TRIM33: variants seen among roughly 807,000 people sequenced by gnomAD.
TRIM33 encodes E3 ubiquitin-protein ligase TRIM33.
Under a neutral mutation model 125.4 loss-of-function variants are expected in TRIM33, and 20 were observed. The observed-to-expected ratio is 0.16, with a 90% CI of 0.11 to 0.23. The LOEUF (loss-of-function observed/expected upper bound fraction) is 0.23, where lower values mean the gene tolerates loss of function less well. Ranked by LOEUF, TRIM33 falls within the 10% of genes least tolerant of loss-of-function variation. TRIM33 has a pLI of 1.00. For missense variants in TRIM33, 920 were observed against 1,411.4 expected (o/e 0.65, Z 5.58); for synonymous variants, 564 against 513.9 (o/e 1.10, Z -1.32).
At chr1:114,469,200 A>T (rs920966284) in intron 1 of TRIM33, 1 of 167,488 alleles carries the variant, frequency 6.0e-6, no homozygotes, top group African/African-American at 2.4e-5. Context: ...TGAGCAACTT[A>T]TTGTTGATAA....
At chr1:114,468,511 C>T (rs1037881897) in intron 1 of TRIM33, 1 of 392,660 alleles carries the variant, frequency 2.5e-6, no homozygotes, top group Non-Finnish European at 4.9e-6. Flanking sequence ...GAAAAAGGTG[C>T]TTCTGATGAT....
At chr1:114,420,357 CAGA>C in intron 11 of TRIM33, 1 of 1,312,722 alleles carries the variant, frequency 7.6e-7, no homozygotes, top group Non-Finnish European at 1.0e-6. Context: ...TTGGATCTAA[CAGA>C]AGAACAACAA....
intron 4 of TRIM33, among the ~76,000 whole-genome samples, chr1:114,456,515 C>G (rs1198084682): frequency 1.3e-5 from 2 of 152,020 alleles, no homozygotes; most frequent in Non-Finnish European, 2.9e-5. Context: ...CTCAACAGTA[C>G]AAAAAACATA....
intron 1 of TRIM33, among the ~76,000 whole-genome samples, chr1:114,488,777 CA>C (rs969753814): frequency 2.4e-4 from 37 of 151,422 alleles, no homozygotes; most frequent in Non-Finnish European, 1.2e-4. Context: ...AAACAAAAAC[CA>C]AAAAAAATTC....
chr1:114,476,324 C>T (rs781424731), intron 1 of TRIM33, among the ~76,000 whole-genome samples: 18 of 151,562 alleles, frequency 1.2e-4, no homozygotes, highest in Non-Finnish European at 2.2e-4. Flanking sequence ...CATCACTACA[C>T]ACAACCCAAA....
At chr1:114,432,307 A>C (rs1442785725) in intron 5 of TRIM33, among the ~76,000 whole-genome samples, 1 of 152,072 alleles carries the variant, frequency 6.6e-6, no homozygotes, top group South Asian at 2.1e-4. Context: ...AACTCACTAC[A>C]TTTCCTTTGA....
At chr1:114,410,159 A>T in intron 12 of TRIM33, 25 bp downstream of exon 12, 1 of 1,613,174 alleles carries the variant, frequency 6.2e-7, no homozygotes, top group Non-Finnish European at 8.5e-7. Context: ...GTGTTAAAAA[A>T]TAAGGTAATA....
rs779494080 is a variant in TRIM33 at position 114,436,077 on chromosome 1, A to G, written c.924-2344T>C. Among the ~76,000 whole-genome samples, 24 of 151,420 alleles carry G rather than the reference A, an allele frequency of 1.6e-4. 1 individual carries two copies. The highest frequency in any genetic ancestry group is 2.9e-5 in the Non-Finnish European group (2 of 67,870). ...ACATTTTTAAAGCTCAACTGTCTAC[A>G]ATGTTGAGCAACATTATAACTTGTA... On this transcript the variant is annotated intron_variant, in intron 4 of 19. Coordinates refer to ENST00000358465, the MANE Select transcript of TRIM33 (RefSeq NM_015906.4).
At position 114,424,709 on chromosome 1, in the gene TRIM33, T is replaced by C; in HGVS notation, c.1742A>G (p.Asn581Ser). The change falls in exon 10 of 20, where the codon AAC becomes AGC. Residue 581 changes from asparagine (N) to serine (S), a missense_variant. Around this residue, in one of 8 missense-constraint regions of TRIM33, gnomAD observed 407 missense variants for 589.7 expected, o/e 0.69. Coordinates refer to ENST00000358465, the MANE Select transcript of TRIM33 (RefSeq NM_015906.4). ...SVQTMQRGNM[N>S]CGAFQAHQMR... ...CTGATGGGCTTGAAAAGCTCCACAG[T>C]TCATGTTGCCTCTTTGCATTGTTTG... The C allele has an allele frequency of 5.6e-6, 9 of 1,608,550 alleles. No individual in the cohort carries two copies. The highest frequency in any genetic ancestry group is 7.6e-6 in the Non-Finnish European group (9 of 1,177,176).
chr1:114,427,368 G>A (rs1202345094), intron 7 of TRIM33, 74 bp from the exon 8 acceptor site: 12 of 808,052 alleles, frequency 1.5e-5, no homozygotes, highest in Admixed American at 9.5e-5. Context: ...AAGACATTAA[G>A]AAAAAAAAGC....
At chr1:114,423,339 C>T (rs985095861) in intron 10 of TRIM33, among the ~76,000 whole-genome samples, 8 of 152,038 alleles carry the variant, frequency 5.3e-5, no homozygotes, top group African/African-American at 1.9e-4. Context: ...TAAGATAAAA[C>T]TCTGTTGAAG....
chr1:114,503,752 T>C (rs1354974335), intron 1 of TRIM33, among the ~76,000 whole-genome samples: 2 of 152,260 alleles, frequency 1.3e-5, no homozygotes, highest in Non-Finnish European at 2.9e-5. Flanking sequence ...TTTTTATCAC[T>C]GGCAACATAT....
chr1:114,484,812 C>T (rs1383452988), intron 1 of TRIM33, among the ~76,000 whole-genome samples: 3 of 152,140 alleles, frequency 2.0e-5, no homozygotes, highest in Admixed American at 2.0e-4. Flanking sequence ...TTGCAGTGAG[C>T]CCACATCGCA....
intron 10 of TRIM33, among the ~76,000 whole-genome samples, chr1:114,422,419 G>C (rs889052902): frequency 6.6e-6 from 1 of 151,904 alleles, no homozygotes; most frequent in Non-Finnish European, 1.5e-5. Flanking sequence ...ATGAACTAAG[G>C]GGTACATGAT....
At chr1:114,470,549 C>A (rs949403928) in intron 1 of TRIM33, among the ~76,000 whole-genome samples, 2 of 152,036 alleles carry the variant, frequency 1.3e-5, no homozygotes, top group African/African-American at 4.8e-5. Flanking sequence ...TGAGACCAAA[C>A]AATATTGAAA....
In TRIM33 at chr1:114,510,568, T is replaced by C. The variant is rs1653282805; in HGVS notation, c.509A>G (p.Asn170Ser). 1 of 1,511,050 alleles carries C rather than the reference T, an allele frequency of 6.6e-7. No homozygotes were observed. The highest frequency in any genetic ancestry group is 8.8e-7 in the Non-Finnish European group (1 of 1,132,952). 93.6% of individuals were successfully genotyped at this position (1,511,050 alleles called of 1,614,324 possible). A position where few individuals can be genotyped will look rare whatever the true frequency, so the allele number is the denominator to read the frequency against. The change falls in exon 1 of 20, where the codon AAC (asparagine) becomes AGC (serine). Residue 170 changes from asparagine (N) to serine (S), a missense_variant. This residue lies in a region of TRIM33 where 75 missense variants were observed against 123.9 expected (regional missense o/e 0.61). Coordinates refer to ENST00000358465, the MANE Select transcript of TRIM33 (RefSeq NM_015906.4). ...CGGCTCACCTTGCTGGATGTCGCCG[T>C]TGCTGCCCCCCGGGATGGGCACGCT... ...QLSVPIPGGS[N>S]GDIQQVGVIR...
Position 114,457,991 on chromosome 1 carries a change from T to C in TRIM33, c.923+5113A>G, listed in dbSNP as rs534993371. ...ACTTGCAACTGCCTTTGCAAAATTA[T>C]AACAGTGAGAGAAATCTAACACAAC... On this transcript the variant is annotated intron_variant, in intron 4 of 19. Coordinates refer to ENST00000358465, the MANE Select transcript of TRIM33 (RefSeq NM_015906.4). Among the ~76,000 whole-genome samples, 193 of 152,370 alleles carry C rather than the reference T, an allele frequency of 1.3e-3. 4 individuals carry two copies. In the South Asian group the frequency reaches 0.019, roughly 15 times the overall value.
At chr1:114,454,411 C>G (rs1286913591) in intron 4 of TRIM33, among the ~76,000 whole-genome samples, 2 of 152,110 alleles carry the variant, frequency 1.3e-5, no homozygotes, top group Non-Finnish European at 2.9e-5. Context: ...GTAGGCCAGG[C>G]ATGGTGGCTC....
At chr1:114,484,552 C>A (rs544100899) in intron 1 of TRIM33, among the ~76,000 whole-genome samples, 1 of 151,896 alleles carries the variant, frequency 6.6e-6, no homozygotes, top group African/African-American at 2.4e-5. Flanking sequence ...CATGGTGAAA[C>A]CCCATCTCTA....
Sources: gnomAD v4.1 joint callset for allele counts (sites outside exome capture counted in the v4.1 genomes callset) on GRCh38, gnomAD v4.1.1 for gene constraint, gnomAD v4.1.1 regional missense constraint, MANE v1.5 for transcripts, NCBI Gene and HGNC (gene_info 2026-07-23, HGNC 2026-07-21) for gene names.